USH2A: variants seen among roughly 807,000 people sequenced by gnomAD.
USH2A encodes usherin.
A neutral mutation model predicts 538.9 loss-of-function variants in USH2A; 443 were observed. The ratio of observed to expected loss-of-function variants is 0.82; its 90% confidence interval spans 0.76 to 0.89. USH2A has a LOEUF of 0.89. Among genes scored for constraint, USH2A ranks in the 40% least tolerant of loss-of-function variants. USH2A has a pLI of 0.00. For missense variants in USH2A, 6,633 were observed against 6,324.8 expected (o/e 1.05, Z -1.65); for synonymous variants, 2,413 against 2,273.5 (o/e 1.06, Z -1.75).
chr1:216,338,961 C>A (rs941501794), intron 4 of USH2A, among the ~76,000 whole-genome samples: 1 of 151,508 alleles, frequency 6.6e-6, no homozygotes, highest in Admixed American at 6.6e-5. Flanking sequence ...AACAGTTTGG[C>A]GATATATCAA....
chr1:216,112,024 T>C (rs2032885610), intron 21 of USH2A, among the ~76,000 whole-genome samples: 1 of 152,078 alleles, frequency 6.6e-6, no homozygotes, highest in Non-Finnish European at 1.5e-5. Flanking sequence ...CTTTTTCTTT[T>C]TACTTGACTG....
intron 13 of USH2A, among the ~76,000 whole-genome samples, chr1:216,236,412 A>ACATGTAAAT (rs2035817940): frequency 6.6e-6 from 1 of 152,166 alleles, no homozygotes; most frequent in Non-Finnish European, 1.5e-5. Context: ...CATGTGAGTC[A>ACATGTAAAT]GTTTCCCCTA....
intron 3 of USH2A, among the ~76,000 whole-genome samples, chr1:216,377,750 A>G (rs377238924): frequency 6.6e-4 from 95 of 142,956 alleles, no homozygotes; most frequent in African/African-American, 2.3e-3. Flanking sequence ...GAAAAAAAAA[A>G]GAAAGAAAGA....
intron 21 of USH2A, among the ~76,000 whole-genome samples, chr1:216,101,720 A>T (rs996752946): frequency 2.6e-5 from 4 of 152,240 alleles, no homozygotes; most frequent in Admixed American, 1.3e-4. Flanking sequence ...AAAAAATGAG[A>T]CAGGAAATGT....
chr1:216,380,040 C>T (rs983857700), intron 3 of USH2A, among the ~76,000 whole-genome samples: 3 of 152,146 alleles, frequency 2.0e-5, no homozygotes, highest in Non-Finnish European at 2.9e-5. Flanking sequence ...AAACTGGATA[C>T]TTATTGACTT....
intron 37 of USH2A, among the ~76,000 whole-genome samples, chr1:215,949,003 T>C (rs1403862620): frequency 6.6e-6 from 1 of 152,064 alleles, no homozygotes; most frequent in Non-Finnish European, 1.5e-5. Context: ...CCAGCTAAGT[T>C]CATATGACTG....
intron 49 of USH2A, among the ~76,000 whole-genome samples, chr1:215,807,376 G>A (rs573194477): frequency 6.6e-6 from 1 of 152,192 alleles, no homozygotes; most frequent in South Asian, 2.1e-4. Context: ...CAAACTGAGC[G>A]ATATTTAATT....
At chr1:216,040,920 A>G (rs1488213091) in intron 32 of USH2A, among the ~76,000 whole-genome samples, 1 of 152,048 alleles carries the variant, frequency 6.6e-6, no homozygotes, top group East Asian at 1.9e-4. Context: ...AAACTGGGAG[A>G]AAAATTAATT....
Position 216,083,476 on chromosome 1 carries a change from C to T in USH2A, c.5278G>A (p.Asp1760Asn), listed in dbSNP as rs1356404884. 8.1e-6 allele frequency: 13 copies of T among 1,611,904 alleles called. No homozygotes were observed. The highest frequency in any genetic ancestry group is 1.0e-5 in the Non-Finnish European group (12 of 1,179,060). ...NGLLLFVYNKDGPDFLAMELK... is the reference protein window; with the variant it reads ...NGLLLFVYNKNGPDFLAMELK... ...CATACAGCAAGAAAATCAGGTCCAT[C>T]TTTGTTATAAACGAAAAGAAGCAAT... Residue 1760 changes from aspartate to asparagine, a missense_variant, in exon 26 of 72, where the codon GAT becomes AAT. Coordinates refer to ENST00000307340, the MANE Select transcript of USH2A (RefSeq NM_206933.4).
intron 47 of USH2A, among the ~76,000 whole-genome samples, chr1:215,831,995 T>C (rs1471788634): frequency 6.6e-6 from 1 of 152,002 alleles, no homozygotes; most frequent in Admixed American, 6.6e-5. Flanking sequence ...TTGTTGTTTG[T>C]AGTACAAACA....
At chr1:216,109,216 T>C (rs1228198024) in intron 21 of USH2A, among the ~76,000 whole-genome samples, 2 of 152,206 alleles carry the variant, frequency 1.3e-5, no homozygotes, top group Non-Finnish European at 2.9e-5. Context: ...AATTCAAGTG[T>C]GGAGGATAAT....
Position 216,196,528 on chromosome 1 carries a change from G to A in USH2A, c.4251+25C>T, listed in dbSNP as rs536668201. 26 of 1,612,686 alleles carry A rather than the reference G, an allele frequency of 1.6e-5. No individual in the cohort carries two copies. The South Asian group carries it at 2.9e-4, about 18-fold the overall frequency. The stretch of plus-strand genomic sequence containing the variant: ...ATGAAGCCCTAAGCCAATTCTGAAA[G>A]GACATTAGTTAAAAATAACAATACC... On this transcript the variant is annotated intron_variant, in intron 19 of 71. Transcript: ENST00000307340.
At position 215,836,519 on chromosome 1, in the gene USH2A, A is replaced by T. The variant is rs1283471499; in HGVS notation, c.9371+1472T>A. On this transcript the variant is annotated intron_variant, in intron 47 of 71. Coordinates refer to ENST00000307340, the MANE Select transcript of USH2A (RefSeq NM_206933.4). ...ATATAATATATATTATATATATATA[A>T]TATATATTATATATATATATATAAT... 3.7e-3 allele frequency among the ~76,000 whole-genome samples: 85 copies of T among 22,790 alleles called. 4 individuals carry two copies. Among genetic ancestry groups the T allele is most frequent in the African/African-American group, 0.012 (80 of 6,956 alleles). The allele number at this position is 22,790 out of a possible 152,430, so 15.0% of individuals were successfully genotyped here. A position where few individuals can be genotyped will look rare whatever the true frequency, so the allele number is the denominator to read the frequency against.
chr1:216,131,581 C>T (rs1354452324), intron 21 of USH2A, among the ~76,000 whole-genome samples: 1 of 152,024 alleles, frequency 6.6e-6, no homozygotes, highest in Non-Finnish European at 1.5e-5. Context: ...TGTTTTCTCA[C>T]AAAATGATCA....
At chr1:216,095,810 A>G (rs2032428391) in intron 22 of USH2A, among the ~76,000 whole-genome samples, 1 of 152,098 alleles carries the variant, frequency 6.6e-6, no homozygotes, top group Non-Finnish European at 1.5e-5. Context: ...CTCTAAGGTC[A>G]ATGGATCTCC....
intron 69 of USH2A, among the ~76,000 whole-genome samples, chr1:215,636,955 C>G (rs1214946626): frequency 6.6e-6 from 1 of 151,962 alleles, no homozygotes; most frequent in Non-Finnish European, 1.5e-5. Flanking sequence ...GGGATTTCTC[C>G]TTTTTATGAA....
At chr1:215,681,177 T>A (rs1371681476) in intron 61 of USH2A, among the ~76,000 whole-genome samples, 1 of 152,154 alleles carries the variant, frequency 6.6e-6, no homozygotes, top group East Asian at 1.9e-4. Context: ...CATTAACATA[T>A]TTGGCATAAC....
Position 216,301,895 on chromosome 1 carries a change from G to T in USH2A, c.1645-9525C>A, listed in dbSNP as rs142668657. On this transcript the variant is annotated intron_variant, in intron 9 of 71. Coordinates refer to ENST00000307340, the MANE Select transcript of USH2A (RefSeq NM_206933.4). Reference sequence around the variant, plus strand: ...TTAAGAGCCTAAATCTCTAATAATAGTAATTGTCCTCCGGCTCTATTCAAG... The same window carrying T: ...TTAAGAGCCTAAATCTCTAATAATATTAATTGTCCTCCGGCTCTATTCAAG... 2.7e-3 allele frequency among the ~76,000 whole-genome samples: 411 copies of T among 152,180 alleles called. 1 individual carries two copies. Among genetic ancestry groups the T allele is most frequent in the African/African-American group, 9.6e-3 (397 of 41,540 alleles).
chr1:216,172,625 T>C (rs1193846764), intron 21 of USH2A, among the ~76,000 whole-genome samples: 1 of 152,122 alleles, frequency 6.6e-6, no homozygotes, highest in Non-Finnish European at 1.5e-5. Context: ...TTTCACATAA[T>C]GTTATTTATA....
Sources: allele counts gnomAD v4.1 joint callset (sites outside exome capture counted in the v4.1 genomes callset), GRCh38; gene constraint gnomAD v4.1.1; transcripts MANE v1.5; gene names NCBI Gene and HGNC (gene_info 2026-07-23, HGNC 2026-07-21).